The following PDZD9 variants were observed in gnomAD, a reference collection of about 807,000 sequenced individuals.
The protein encoded by PDZD9 is PDZ domain containing 9, also known as PDZ domain-containing protein 9.
PDZD9 carries 13 observed loss-of-function variants against 16.3 expected under a neutral mutation model. The ratio of observed to expected loss-of-function variants is 0.80; its 90% CI spans 0.52 to 1.27. The LOEUF is 1.27. Ranked by LOEUF, PDZD9 falls within the 50% of genes most tolerant of loss-of-function variation. The pLI is 0.00. For synonymous variants in PDZD9, 120 were observed against 111.0 expected (o/e 1.08, Z -0.51); for missense variants, 288 against 310.9 (o/e 0.93, Z 0.55).
At chr16:21,962,933 T>TTTCCAGATCACATTTGATTCTA in the PDZD9 span, 1 of 1,560,250 alleles carries the variant, frequency 6.4e-7, no homozygotes. Context: ...CTGGGTTTTT[T>TTTCCAGATCACATTTGATTCTA]AGAAGATCAA....
chr16:21,996,246 AACCCGGTG>A (rs1283258313), intron 2 of PDZD9, 68 bp downstream of exon 2: 5 of 1,412,052 alleles, frequency 3.5e-6, no homozygotes, highest in Non-Finnish European at 4.8e-6. Context: ...GTTACACTGA[AACCCGGTG>A]ACCCGAGTCA....
At chr16:21,964,257 A>G in the PDZD9 span, among the ~76,000 whole-genome samples, 1 of 152,188 alleles carries the variant, frequency 6.6e-6, no homozygotes, top group Non-Finnish European at 1.5e-5. Context: ...ATGTGTCCAG[A>G]GTGGCTTCTT....
the PDZD9 span, chr16:21,972,050 T>C: frequency 6.2e-7 from 1 of 1,614,148 alleles, no homozygotes; most frequent in Non-Finnish European, 8.5e-7. Context: ...CTGGGCCACA[T>C]GTCAAGAGGG....
intron 1 of PDZD9, among the ~76,000 whole-genome samples, 192 bp downstream of exon 1, chr16:22,000,825 A>AATGATGATGATGATGATG (rs10611346): frequency 1.4e-5 from 2 of 140,474 alleles, no homozygotes; most frequent in African/African-American, 5.4e-5. Flanking sequence ...CTCCTTCTCA[A>AATGATGATGATGATGATG]ATGATGATGA....
intron 3 of PDZD9, 31 bp from the exon 4 acceptor site, chr16:21,984,691 A>G (rs779018128): frequency 4.8e-6 from 7 of 1,453,312 alleles, no homozygotes; most frequent in Admixed American, 4.9e-5. Flanking sequence ...AATAAAATAG[A>G]TTCTTCATGT....
At chr16:21,993,720 C>T (rs1899079191) in intron 2 of PDZD9, among the ~76,000 whole-genome samples, 1 of 152,072 alleles carries the variant, frequency 6.6e-6, no homozygotes, top group Non-Finnish European at 1.5e-5. Flanking sequence ...AGTTGCAAAC[C>T]AGTGGCTTAA....
chr16:21,968,112 G>A, the PDZD9 span, among the ~76,000 whole-genome samples: 14 of 148,208 alleles, frequency 9.4e-5, no homozygotes, highest in East Asian at 1.6e-3. Context: ...AACAATTCTC[G>A]TGCCTCAGCC....
the PDZD9 span, chr16:21,971,790 G>A: frequency 7.3e-7 from 1 of 1,366,496 alleles, no homozygotes; most frequent in Non-Finnish European, 1.0e-6. Flanking sequence ...TTTGGGGACA[G>A]GATGGCATGG....
chr16:21,959,817 G>A, the PDZD9 span: 3 of 152,366 alleles, frequency 2.0e-5, no homozygotes, highest in East Asian at 5.8e-4. Context: ...TAGCAGGCAT[G>A]AAAACAGTGT....
downstream of PDZD9, among the ~76,000 whole-genome samples, chr16:21,982,061 C>T (rs933185245): frequency 2.0e-5 from 3 of 152,008 alleles, no homozygotes; most frequent in Admixed American, 6.6e-5. Context: ...AGGATGGTCT[C>T]GATCTCCTGA....
In PDZD9 at chr16:21,984,428, C is replaced by G. The variant is rs1163777434; in HGVS notation, c.634G>C (p.Asp212His). Residue 212 changes from aspartate (D) to histidine (H), a missense_variant, in exon 4 of 4, where the codon GAC becomes CAC. Asp to His is a moderately conservative substitution (Grantham distance 81, BLOSUM62 -1). Coordinates refer to ENST00000424898, the MANE Select transcript of PDZD9 (RefSeq NM_001363519.1). The stretch of plus-strand genomic sequence containing the variant: ...GAAGGGGCCCTCACTTCTTTCTTGT[C>G]GTCTCTGTGAATCATCACGTCACAA... ...INCDVMIHRD[D>H]KKEVRAPSPY... 6.2e-7 allele frequency: 1 copy of G among 1,614,082 alleles called. No individual in the cohort carries two copies. The highest frequency in any genetic ancestry group is 1.3e-5 in the African/African-American group (1 of 75,036).
At chr16:21,971,507 T>C in the PDZD9 span, 9 of 1,587,518 alleles carry the variant, frequency 5.7e-6, no homozygotes, top group Non-Finnish European at 7.7e-6. Context: ...AGCTTTGTTT[T>C]TGCTTCTGTT....
chr16:21,997,913 T>C (rs936615943), intron 1 of PDZD9, among the ~76,000 whole-genome samples: 2 of 152,098 alleles, frequency 1.3e-5, no homozygotes, highest in Non-Finnish European at 2.9e-5. Flanking sequence ...GGGCCACTGC[T>C]GAGGGAGAGG....
chr16:21,998,606 C>T (rs139848984), intron 1 of PDZD9, among the ~76,000 whole-genome samples: 4,344 of 151,746 alleles, frequency 0.029, 187 homozygotes, highest in African/African-American at 0.098. Flanking sequence ...GCACGAGAAT[C>T]GCTTGAACCC....
chr16:21,981,356 C>T (rs1747558159), downstream of PDZD9, among the ~76,000 whole-genome samples: 2 of 152,166 alleles, frequency 1.3e-5, no homozygotes, highest in African/African-American at 4.8e-5. Flanking sequence ...TGGGTTTTCC[C>T]CATTTTCTAC....
downstream of PDZD9, chr16:21,983,239 TC>T (rs1567482384): frequency 1.4e-6 from 2 of 1,401,740 alleles, no homozygotes; most frequent in South Asian, 2.5e-5. Context: ...CACATGAAAG[TC>T]AGAAGTCTCT....
the PDZD9 span, among the ~76,000 whole-genome samples, chr16:21,977,781 A>G: frequency 1.3e-5 from 2 of 152,232 alleles, no homozygotes; most frequent in African/African-American, 2.4e-5. Flanking sequence ...GGGAAGCAGA[A>G]TTACAACCCA....
rs1693989285 is a variant in PDZD9 at position 21,988,675 on chromosome 16, C to T, written c.328G>A (p.Asp110Asn). The T allele has an allele frequency of 1.2e-6, 2 of 1,613,088 alleles. No individual in the cohort carries two copies. Among genetic ancestry groups the T allele is most frequent in the East Asian group, 2.2e-5 (1 of 44,858 alleles). ...CATTCTTCAGGAATGTTAATAAAAT[C>T]TCGGTAAACCTTGATTTGTAGCACT... ...GTVLQIKVYR[D>N]FINIPEEWQE... Residue 110 changes from aspartate to asparagine, a missense_variant, in exon 3 of 4, where the codon GAT (aspartate) becomes AAT (asparagine). Asp to Asn is a conservative substitution (Grantham distance 23). Transcript: ENST00000424898.
intron 2 of PDZD9, among the ~76,000 whole-genome samples, chr16:21,995,670 T>C (rs941276418): frequency 4.6e-5 from 7 of 152,182 alleles, no homozygotes; most frequent in Non-Finnish European, 1.0e-4. Context: ...CCATCTCAGC[T>C]CACTGCAACC....
Sources: allele counts gnomAD v4.1 joint callset (sites outside exome capture counted in the v4.1 genomes callset), GRCh38; gene constraint gnomAD v4.1.1; transcripts MANE v1.5; gene names NCBI Gene and HGNC (gene_info 2026-07-23, HGNC 2026-07-21).